CSMD1: variants seen among roughly 807,000 people sequenced by gnomAD.
CSMD1 encodes the protein CUB and Sushi multiple domains 1.
In CSMD1, 213 loss-of-function variants were observed where a neutral mutation model predicts 417.5. The ratio of observed to expected loss-of-function variants is 0.51; its 90% CI spans 0.46 to 0.57. The LOEUF (loss-of-function observed/expected upper bound fraction) is 0.57, where lower values mean the gene tolerates loss of function less well. CSMD1 is among the 20% of genes least tolerant of loss of function. The pLI is 0.00. For missense variants in CSMD1, 6,923 were observed against 4,529.7 expected (o/e 1.53, Z -15.17); for synonymous variants, 2,862 against 1,736.8 (o/e 1.65, Z -16.11).
chr8:4,261,423 G>C (rs906672468), intron 3 of CSMD1, among the ~76,000 whole-genome samples: 4 of 152,078 alleles, frequency 2.6e-5, no homozygotes, highest in Admixed American at 2.6e-4. Context: ...GGGGAAATGG[G>C]GAATAATTGT....
chr8:4,804,404 G>C (rs1274682356), intron 1 of CSMD1, among the ~76,000 whole-genome samples: 1 of 151,778 alleles, frequency 6.6e-6, no homozygotes, highest in Non-Finnish European at 1.5e-5. Context: ...AAATTACAAA[G>C]CTTTCTATGC....
chr8:3,798,970 A>G (rs1275388100), intron 5 of CSMD1, among the ~76,000 whole-genome samples: 2 of 152,078 alleles, frequency 1.3e-5, no homozygotes, highest in Admixed American at 6.6e-5. Flanking sequence ...CCATTTATAT[A>G]TATGGGTGAA....
intron 39 of CSMD1, among the ~76,000 whole-genome samples, chr8:3,157,016 A>G (rs116959294): frequency 0.014 from 2,047 of 151,012 alleles, 29 homozygotes; most frequent in Middle Eastern, 0.073. Context: ...AAAGCAGGAT[A>G]CTGCTAATAG....
intron 26 of CSMD1, among the ~76,000 whole-genome samples, chr8:3,241,306 A>C (rs1461543597): frequency 6.6e-6 from 1 of 151,082 alleles, no homozygotes; most frequent in Non-Finnish European, 1.5e-5. Flanking sequence ...GTCAATACCC[A>C]CAACAGTTAT....
chr8:3,923,678 T>C (rs530717752), intron 5 of CSMD1, among the ~76,000 whole-genome samples: 2 of 152,180 alleles, frequency 1.3e-5, no homozygotes, highest in Non-Finnish European at 2.9e-5. Flanking sequence ...ATTCTTTTTA[T>C]CTGTAGTCAC....
chr8:4,182,904 G>A lies in CSMD1; in HGVS notation c.416-150805C>T, dbSNP rs570027052. ...GAACTGTATGTTTGAATGGGAGAAT[G>A]TAATTGAAGACGGTGGATAGAATCT... is the stretch of plus-strand genomic sequence containing the variant. On this transcript the variant is annotated intron_variant, in intron 3 of 69. Transcript: ENST00000635120. 4.6e-5 allele frequency among the ~76,000 whole-genome samples: 7 copies of A among 152,280 alleles called. No homozygotes were observed. In the South Asian group the frequency reaches 1.2e-3, roughly 27 times the overall value.
rs1430035697 is a variant in CSMD1, at chr8:3,097,055, A to G, written c.6950-18T>C. On this transcript the variant is annotated intron_variant, in intron 46 of 69. Coordinates refer to ENST00000635120, the MANE Select transcript of CSMD1 (RefSeq NM_033225.6). ...GCATTGTGCTGGAGAGAAAAGTACC[A>G]GCAAAAGTTTGCTTTAATAAAATGA... 5 of 1,499,570 alleles carry G rather than the reference A, an allele frequency of 3.3e-6. No homozygotes were observed. The highest frequency in any genetic ancestry group is 1.7e-4 in the Middle Eastern group (1 of 5,742). 92.9% of individuals were successfully genotyped at this position (1,499,570 alleles called of 1,614,324 possible).
chr8:4,577,834 T>G (rs998842664), intron 2 of CSMD1, among the ~76,000 whole-genome samples: 14 of 152,218 alleles, frequency 9.2e-5, no homozygotes, highest in African/African-American at 3.4e-4. Flanking sequence ...GCCTTGCATT[T>G]TCCCTGGCAC....
At chr8:4,764,950 T>C (rs1459512473) in intron 1 of CSMD1, among the ~76,000 whole-genome samples, 2 of 149,912 alleles carry the variant, frequency 1.3e-5, no homozygotes, top group African/African-American at 4.9e-5. Context: ...GTAATTTCCA[T>C]GTTGCACACT....
At chr8:3,516,725 T>A (rs1006962018) in intron 10 of CSMD1, among the ~76,000 whole-genome samples, 4 of 152,168 alleles carry the variant, frequency 2.6e-5, no homozygotes, top group African/African-American at 9.7e-5. Context: ...TTGTGATATT[T>A]TGGGGCATGC....
intron 26 of CSMD1, among the ~76,000 whole-genome samples, chr8:3,250,965 C>T (rs1269137470): frequency 6.6e-6 from 1 of 151,950 alleles, no homozygotes; most frequent in East Asian, 1.9e-4. Flanking sequence ...GGATATTAGC[C>T]CTTTGTCAGA....
intron 10 of CSMD1, among the ~76,000 whole-genome samples, chr8:3,541,427 C>A (rs769328526): frequency 1.3e-5 from 2 of 151,984 alleles, no homozygotes; most frequent in Non-Finnish European, 2.9e-5. Context: ...ACGTGTGGGG[C>A]TTAATACCTA....
At chr8:4,058,818 C>T (rs1434887752) in intron 3 of CSMD1, among the ~76,000 whole-genome samples, 2 of 151,184 alleles carry the variant, frequency 1.3e-5, no homozygotes, top group East Asian at 1.9e-4. Context: ...TACAAAGAGA[C>T]TTAGACTCCC....
At chr8:4,269,431 T>C (rs1034364040) in intron 3 of CSMD1, among the ~76,000 whole-genome samples, 1 of 152,162 alleles carries the variant, frequency 6.6e-6, no homozygotes, top group African/African-American at 2.4e-5. Context: ...ATATTGAGAA[T>C]TTTCTCTCTG....
intron 3 of CSMD1, among the ~76,000 whole-genome samples, chr8:4,346,424 C>G (rs1584934192): frequency 6.6e-6 from 1 of 152,084 alleles, no homozygotes; most frequent in Non-Finnish European, 1.5e-5. Flanking sequence ...GAGTATGACC[C>G]ACACAGTATC....
rs1229761160 is a variant in CSMD1 at position 3,040,410 on chromosome 8, A to ATATATATT, written c.7661-10898_7661-10897insAATATATA. The stretch of plus-strand genomic sequence containing the variant: ...GAAATATATATATATATATATATAT[A>ATATATATT]TATAACAGAAATATATATATGTATA... On this transcript the variant is annotated intron_variant, in intron 50 of 69. Coordinates refer to ENST00000635120, the MANE Select transcript of CSMD1 (RefSeq NM_033225.6). Among the ~76,000 whole-genome samples the ATATATATT allele has an allele frequency of 6.6e-3, 963 of 144,848 alleles. 5 individuals are homozygous for ATATATATT. Among genetic ancestry groups the ATATATATT allele is most frequent in the Non-Finnish European group, 0.011 (739 of 66,756 alleles).
At chr8:3,118,026 C>G (rs1490105238) in intron 42 of CSMD1, among the ~76,000 whole-genome samples, 2 of 152,060 alleles carry the variant, frequency 1.3e-5, no homozygotes. Flanking sequence ...TAATAAGTAC[C>G]CTTTTTCCCT....
chr8:3,495,099 T>C (rs926233180), intron 10 of CSMD1, among the ~76,000 whole-genome samples: 13 of 152,244 alleles, frequency 8.5e-5, no homozygotes, highest in Admixed American at 6.5e-4. Context: ...TTTGTATGAA[T>C]ACATTATTTT....
Position 4,734,262 on chromosome 8 carries a change from C to T in CSMD1, c.86-96704G>A, listed in dbSNP as rs533979673. 2.2e-3 allele frequency among the ~76,000 whole-genome samples: 330 copies of T among 152,036 alleles called. 3 individuals carry two copies. The highest frequency in any genetic ancestry group is 4.0e-3 in the South Asian group (19 of 4,806). On this transcript the variant is annotated intron_variant, in intron 1 of 69. Coordinates refer to ENST00000635120, the MANE Select transcript of CSMD1 (RefSeq NM_033225.6). ...CTAGCTTTCAAGAAATCTATTAAATCCTTTTAAAAAATGTGATATATTGAG... is the reference window on the plus strand; with the variant it reads ...CTAGCTTTCAAGAAATCTATTAAATTCTTTTAAAAAATGTGATATATTGAG...
Sources: gnomAD v4.1 joint callset for allele counts (sites outside exome capture counted in the v4.1 genomes callset) on GRCh38, gnomAD v4.1.1 for gene constraint, MANE v1.5 for transcripts, NCBI Gene and HGNC (gene_info 2026-07-23, HGNC 2026-07-21) for gene names.